The following TGFBR1 variants were observed in gnomAD, a reference collection of about 807,000 sequenced individuals.
TGFBR1 encodes transforming growth factor beta receptor 1, also known as TGF-beta receptor type-1.
A neutral mutation model predicts 55.1 loss-of-function variants in TGFBR1; 20 were observed. That is an observed-to-expected ratio of 0.36 (90% CI 0.26 to 0.53). The LOEUF is 0.53. Ranked by LOEUF, TGFBR1 falls within the 20% of genes least tolerant of loss-of-function variation. The pLI, the probability that TGFBR1 is intolerant of heterozygous loss-of-function variation, is 0.91. For synonymous variants in TGFBR1, 220 were observed against 214.8 expected (o/e 1.02, Z -0.21); for missense variants, 385 against 617.6 (o/e 0.62, Z 3.99).
intron 1 of TGFBR1, among the ~76,000 whole-genome samples, chr9:99,128,163 G>A (rs1320748097): frequency 6.6e-6 from 1 of 152,224 alleles, no homozygotes; most frequent in Non-Finnish European, 1.5e-5. Context: ...AAGTGGGCAT[G>A]AAGCTAGTAT....
Position 99,149,474 on chromosome 9 carries a change from G to T in TGFBR1, c.*169G>T. 1 of 876,026 alleles carries T rather than the reference G, an allele frequency of 1.1e-6. No individual in the cohort carries two copies. Among genetic ancestry groups the T allele is most frequent in the Non-Finnish European group, 1.8e-6 (1 of 561,926 alleles). 54.3% of individuals were successfully genotyped at this position (876,026 alleles called of 1,614,324 possible). On this transcript the variant is annotated 3_prime_UTR_variant, in exon 9 of 9. Coordinates refer to ENST00000374994, the MANE Select transcript of TGFBR1 (RefSeq NM_004612.4). ...CTTCCCAGGATTTCTTTGGACCCAG[G>T]AAACAGCCATGTGGGTCCTTTCTGT... is the stretch of plus-strand genomic sequence containing the variant.
At chr9:99,141,277 C>T (rs1204013956) in intron 4 of TGFBR1, among the ~76,000 whole-genome samples, 3 of 152,184 alleles carry the variant, frequency 2.0e-5, no homozygotes, top group East Asian at 1.9e-4. Flanking sequence ...TTATAAAGTT[C>T]ATGAAGAACA....
intron 1 of TGFBR1, among the ~76,000 whole-genome samples, chr9:99,117,255 T>A (rs1826773316): frequency 5.1e-5 from 1 of 19,700 alleles, no homozygotes; most frequent in Admixed American, 5.6e-4. Context: ...GCCTGGCTAT[T>A]TTTTTTTTTT....
intron 1 of TGFBR1, among the ~76,000 whole-genome samples, chr9:99,118,856 C>G (rs1189619222): frequency 6.6e-6 from 1 of 151,994 alleles, no homozygotes; most frequent in African/African-American, 2.4e-5. Flanking sequence ...TTTGTATATC[C>G]TCTACCTAAA....
At chr9:99,140,861 G>A (rs1014816886) in intron 4 of TGFBR1, among the ~76,000 whole-genome samples, 3 of 152,160 alleles carry the variant, frequency 2.0e-5, no homozygotes, top group Non-Finnish European at 4.4e-5. Flanking sequence ...CAAAATGTTG[G>A]TGAGTCTGTG....
chr9:99,138,641 A>G (rs1186854804), intron 4 of TGFBR1, among the ~76,000 whole-genome samples: 2 of 152,172 alleles, frequency 1.3e-5, no homozygotes, highest in African/African-American at 2.4e-5. Flanking sequence ...TTTTCTGCCT[A>G]TCATGCTGGT....
At chr9:99,111,111 T>C (rs1394785233) in intron 1 of TGFBR1, among the ~76,000 whole-genome samples, 1 of 152,160 alleles carries the variant, frequency 6.6e-6, no homozygotes, top group Non-Finnish European at 1.5e-5. Context: ...TTTAGGTAAT[T>C]TGAATCTTCC....
chr9:99,109,415 A>T (rs1247798322), intron 1 of TGFBR1, among the ~76,000 whole-genome samples: 1 of 152,140 alleles, frequency 6.6e-6, no homozygotes, highest in Non-Finnish European at 1.5e-5. Context: ...AATTGACATA[A>T]AAATAATCAA....
chr9:99,111,038 T>G (rs956975354), intron 1 of TGFBR1, among the ~76,000 whole-genome samples: 1 of 152,184 alleles, frequency 6.6e-6, no homozygotes, highest in Non-Finnish European at 1.5e-5. Context: ...TGATTACAGT[T>G]TTACTATTTC....
Position 99,152,644 on chromosome 9 carries a change from C to T in TGFBR1, c.*3339C>T, listed in dbSNP as rs1205620052. 4.4e-6 allele frequency: 1 copy of T among 227,650 alleles called. No homozygotes were observed. Among genetic ancestry groups the T allele is most frequent in the East Asian group, 6.3e-5 (1 of 15,950 alleles). 14.1% of individuals were successfully genotyped at this position (227,650 alleles called of 1,614,324 possible). A position where few individuals can be genotyped will look rare whatever the true frequency, so the allele number is the denominator to read the frequency against. The stretch of plus-strand genomic sequence containing the variant: ...ATCCCATTAGACACATCATCAAAAG[C>T]TTATTTTTATTCTTGCACTGGAAGA... On this transcript the variant is annotated 3_prime_UTR_variant, in exon 9 of 9. Coordinates refer to ENST00000374994, the MANE Select transcript of TGFBR1 (RefSeq NM_004612.4).
Position 99,144,128 on chromosome 9 carries a change from A to G in TGFBR1, c.974-604A>G, listed in dbSNP as rs11568792. Among the ~76,000 whole-genome samples the G allele has an allele frequency of 7.3e-3, 1,113 of 152,254 alleles. 13 individuals carry two copies. The highest frequency in any genetic ancestry group is 0.026 in the African/African-American group (1,074 of 41,544). On this transcript the variant is annotated intron_variant, in intron 5 of 8. Transcript: ENST00000374994. ...TTGTGTACAAGTTGTATGTAGTTTC[A>G]TGTTTTCAGTTATCTTGGGTATATA...
chr9:99,143,347 ACAT>A (rs1332535229), intron 5 of TGFBR1, among the ~76,000 whole-genome samples: 1 of 152,226 alleles, frequency 6.6e-6, no homozygotes, highest in Non-Finnish European at 1.5e-5. Context: ...TGCTTTGTAA[ACAT>A]CAACATGCTA....
chr9:99,139,313 A>C (rs1042584265), intron 4 of TGFBR1, among the ~76,000 whole-genome samples: 3 of 151,866 alleles, frequency 2.0e-5, no homozygotes, highest in Non-Finnish European at 4.4e-5. Context: ...AAATATTAAC[A>C]GTGTTTAACC....
Position 99,153,346 on chromosome 9 carries a change from C to A in TGFBR1, c.*4041C>A, listed in dbSNP as rs1249714962. 1 of 217,130 alleles carries A rather than the reference C, an allele frequency of 4.6e-6. No homozygotes were observed. Among genetic ancestry groups the A allele is most frequent in the East Asian group, 6.8e-5 (1 of 14,666 alleles). The allele number at this position is 217,130 out of a possible 1,614,324, so 13.5% of individuals were successfully genotyped here. A position where few individuals can be genotyped will look rare whatever the true frequency, so the allele number is the denominator to read the frequency against. On this transcript the variant is annotated 3_prime_UTR_variant, in exon 9 of 9. Coordinates refer to ENST00000374994, the MANE Select transcript of TGFBR1 (RefSeq NM_004612.4). ...CCCCAAATAACATCGTCTGTACTTT[C>A]TGTTTTCTGTATTGTATTTGTGCAG...
At chr9:99,105,107 C>G, upstream of TGFBR1, 1 of 961,018 alleles carries the variant, frequency 1.0e-6, no homozygotes, top group Non-Finnish European at 1.3e-6. Flanking sequence ...GGAGCGAGGC[C>G]GCCGCGGCGG....
At position 99,151,347 on chromosome 9, in the gene TGFBR1, T is replaced by C. The variant is rs1214044870; in HGVS notation, c.*2042T>C. 2 of 231,138 alleles carry C rather than the reference T, an allele frequency of 8.7e-6. No individual in the cohort carries two copies. The highest frequency in any genetic ancestry group is 1.7e-5 in the Non-Finnish European group (2 of 117,098). The allele number at this position is 231,138 out of a possible 1,614,324, so 14.3% of individuals were successfully genotyped here. A position where few individuals can be genotyped will look rare whatever the true frequency, so the allele number is the denominator to read the frequency against. On this transcript the variant is annotated 3_prime_UTR_variant, in exon 9 of 9. Transcript: ENST00000374994. ...TTGTGTTGTATTACTTGTTTAATAA[T>C]AATCTCTAATTCTGTGATCAGGTAC... is the stretch of plus-strand genomic sequence containing the variant.
intron 1 of TGFBR1, among the ~76,000 whole-genome samples, chr9:99,114,194 A>C (rs2118333153): frequency 6.6e-6 from 1 of 152,338 alleles, no homozygotes; most frequent in South Asian, 2.1e-4. Context: ...AATAATAGCA[A>C]ATTCAGTAAG....
rs1339509138 is a variant in TGFBR1, at chr9:99,152,539, A to G, written c.*3234A>G. On this transcript the variant is annotated 3_prime_UTR_variant, in exon 9 of 9. Transcript: ENST00000374994. ...CGATTTTGTAGTACATGCATGAGTT[A>G]CCTTTTTTCTCTATGTCTGAGAACT... is the stretch of plus-strand genomic sequence containing the variant. The G allele has an allele frequency of 4.3e-6, 1 of 230,492 alleles. No individual in the cohort carries two copies. Among genetic ancestry groups the G allele is most frequent in the African/African-American group, 2.2e-5 (1 of 45,204 alleles). 14.3% of individuals were successfully genotyped at this position (230,492 alleles called of 1,614,324 possible). A position where few individuals can be genotyped will look rare whatever the true frequency, so the allele number is the denominator to read the frequency against.
rs1699669916 is a variant in TGFBR1 at position 99,151,210 on chromosome 9, A to G, written c.*1905A>G. The G allele has an allele frequency of 1.7e-5, 4 of 231,198 alleles. No homozygotes were observed. Among genetic ancestry groups the G allele is most frequent in the Admixed American group, 1.1e-4 (2 of 17,734 alleles). 14.3% of individuals were successfully genotyped at this position (231,198 alleles called of 1,614,324 possible). A position where few individuals can be genotyped will look rare whatever the true frequency, so the allele number is the denominator to read the frequency against. ...TCAATTTCATGTGTTTAAAAACATC[A>G]TGGGAAAAATGCTTAGAGGTTACTA... On this transcript the variant is annotated 3_prime_UTR_variant, in exon 9 of 9. Transcript: ENST00000374994.
Sources: allele counts gnomAD v4.1 joint callset (sites outside exome capture counted in the v4.1 genomes callset), GRCh38; gene constraint gnomAD v4.1.1; transcripts MANE v1.5; gene names NCBI Gene and HGNC (gene_info 2026-07-23, HGNC 2026-07-21).